Variants in TSHR observed in about 807,000 individuals in gnomAD.
TSHR encodes the protein thyroid stimulating hormone receptor.
TSHR carries 51 observed loss-of-function variants against 64.1 expected under a neutral mutation model. That is an observed-to-expected ratio of 0.80 (90% CI 0.64 to 1.01). The LOEUF (loss-of-function observed/expected upper bound fraction) is 1.01. TSHR is among the 50% of genes least tolerant of loss of function. The probability of loss-of-function intolerance (pLI) is 0.00; values close to 1 mark genes in which losing one functional copy is unlikely to be tolerated. For synonymous variants in TSHR, 361 were observed against 361.9 expected (o/e 1.00, Z 0.03); for missense variants, 877 against 942.8 (o/e 0.93, Z 0.91).
chr14:81,032,006 A>G (rs939878105), intron 1 of TSHR, among the ~76,000 whole-genome samples: 3 of 152,266 alleles, frequency 2.0e-5, no homozygotes, highest in Admixed American at 6.5e-5. Context: ...CCAAATAAGC[A>G]CAGTGATTCC....
In TSHR at chr14:81,072,953, C is replaced by T. The variant is rs1303907437; in HGVS notation, c.317+4625C>T. ...CGGAGCTTGCAGTGAGCCGAGATCC[C>T]GCCACTGCACTCCAGCCTGGGCGAC... On this transcript the variant is annotated intron_variant, in intron 3 of 9. Coordinates refer to ENST00000298171, the MANE Select transcript of TSHR (RefSeq NM_000369.5). Among the ~76,000 whole-genome samples the T allele has an allele frequency of 3.5e-5, 4 of 115,370 alleles. 1 individual carries two copies. The highest frequency in any genetic ancestry group is 2.2e-4 in the East Asian group (1 of 4,582). The allele number at this position is 115,370 out of a possible 152,430, so 75.7% of individuals were successfully genotyped here.
At position 81,010,046 on chromosome 14, in the gene TSHR, A is replaced by T. The variant is rs1387920781; in HGVS notation, c.171-52102A>T. ...TCCTCACCATATCCTCAGACATTTT[A>T]AATATTTACCAATCTGATAAGTATT... is the stretch of plus-strand genomic sequence containing the variant. On this transcript the variant is annotated intron_variant, in intron 1 of 9. Coordinates refer to ENST00000298171, the MANE Select transcript of TSHR (RefSeq NM_000369.5). 2.0e-5 allele frequency among the ~76,000 whole-genome samples: 3 copies of T among 152,294 alleles called. No homozygotes were observed. The East Asian group carries it at 5.8e-4, about 29-fold the overall frequency.
chr14:80,966,326 T>C (rs1445331996), intron 1 of TSHR, among the ~76,000 whole-genome samples: 1 of 152,194 alleles, frequency 6.6e-6, no homozygotes, highest in Admixed American at 6.5e-5. Flanking sequence ...TTAGTGGGCT[T>C]TGAGATGGCA....
chr14:81,010,204 A>G (rs1039428362), intron 1 of TSHR, among the ~76,000 whole-genome samples: 1 of 152,044 alleles, frequency 6.6e-6, no homozygotes, highest in Admixed American at 6.6e-5. Context: ...AGTTCTTTAT[A>G]TATCTTGGGT....
intron 1 of TSHR, among the ~76,000 whole-genome samples, chr14:80,959,208 G>A (rs1011535380): frequency 1.3e-5 from 2 of 152,042 alleles, no homozygotes; most frequent in Admixed American, 1.3e-4. Flanking sequence ...GGAAGGTGAG[G>A]GAGAGCTGGG....
At chr14:81,003,382 C>T (rs1161813751) in intron 1 of TSHR, 1 of 153,882 alleles carries the variant, frequency 6.5e-6, no homozygotes, top group African/African-American at 2.4e-5. Flanking sequence ...CTTCCTTGTG[C>T]TTCAGACTAC....
chr14:81,001,520 CAT>C (rs111544606), intron 1 of TSHR: 64,203 of 523,536 alleles, frequency 0.12, 5,049 homozygotes, highest in East Asian at 0.39. Flanking sequence ...CATTTATAAA[CAT>C]GTGCAGCAAA....
intron 1 of TSHR, among the ~76,000 whole-genome samples, chr14:80,986,033 T>G (rs1209818971): frequency 6.6e-6 from 1 of 152,240 alleles, no homozygotes; most frequent in Non-Finnish European, 1.5e-5. Context: ...CATGATCATC[T>G]TTCTACTTCT....
At chr14:81,102,526 TAAAAGTCTAGATCA>T (rs1459787736) in intron 7 of TSHR, among the ~76,000 whole-genome samples, 2 of 152,254 alleles carry the variant, frequency 1.3e-5, no homozygotes, top group African/African-American at 4.8e-5. Flanking sequence ...TCTTGGTTTC[TAAAAGTCTAGATCA>T]GGGGTCAGCA....
At chr14:81,127,415 T>G (rs147499152) in intron 8 of TSHR, among the ~76,000 whole-genome samples, 311 of 152,336 alleles carry the variant, frequency 2.0e-3, no homozygotes, top group African/African-American at 7.0e-3. Flanking sequence ...TTTGCCAGTA[T>G]GATGATGATC....
chr14:81,141,051 G>A (rs991092342), intron 9 of TSHR, among the ~76,000 whole-genome samples: 7 of 152,206 alleles, frequency 4.6e-5, no homozygotes, highest in African/African-American at 1.2e-4. Context: ...GCTTGAACCC[G>A]GTAGGCGGAG....
chr14:81,035,419 G>T (rs904715191), intron 1 of TSHR, among the ~76,000 whole-genome samples: 1 of 152,146 alleles, frequency 6.6e-6, no homozygotes, highest in Non-Finnish European at 1.5e-5. Flanking sequence ...ATGGTGAAAT[G>T]ATTCTATTGT....
chr14:81,023,417 T>C (rs1289860009), intron 1 of TSHR, among the ~76,000 whole-genome samples: 2 of 152,158 alleles, frequency 1.3e-5, no homozygotes, highest in Non-Finnish European at 2.9e-5. Context: ...ATCAGGGTTT[T>C]CTTACATAGT....
chr14:80,965,750 A>G (rs944471307), intron 1 of TSHR, among the ~76,000 whole-genome samples: 2 of 152,236 alleles, frequency 1.3e-5, no homozygotes, highest in Non-Finnish European at 2.9e-5. Context: ...TCATTTCTGT[A>G]TGAACCTTTA....
intron 8 of TSHR, among the ~76,000 whole-genome samples, chr14:81,131,946 G>C (rs1485059154): frequency 1.4e-5 from 2 of 144,676 alleles, no homozygotes; most frequent in African/African-American, 2.9e-5. Context: ...CTAGCTTCTA[G>C]AACTATACTT....
At chr14:80,995,500 A>C (rs1566754083) in intron 1 of TSHR, 1 of 152,314 alleles carries the variant, frequency 6.6e-6, no homozygotes, top group East Asian at 1.9e-4. Context: ...TGCAGCCATA[A>C]AAAAGAATGA....
chr14:81,035,233 T>C (rs1260431744), intron 1 of TSHR, among the ~76,000 whole-genome samples: 1 of 152,188 alleles, frequency 6.6e-6, no homozygotes, highest in Non-Finnish European at 1.5e-5. Context: ...TGGGAAATAA[T>C]ACACAGTTTA....
intron 1 of TSHR, among the ~76,000 whole-genome samples, chr14:80,962,151 A>G (rs929988477): frequency 1.7e-4 from 26 of 152,184 alleles, no homozygotes; most frequent in Admixed American, 3.9e-4. Flanking sequence ...GACTCACCAG[A>G]TTCCTGGGTG....
chr14:81,073,093 T>C (rs1029799743), intron 3 of TSHR, among the ~76,000 whole-genome samples: 2 of 142,578 alleles, frequency 1.4e-5, no homozygotes, highest in South Asian at 2.3e-4. Flanking sequence ...TAAATATGCA[T>C]ACATATAAAG....
Sources: allele counts gnomAD v4.1 joint callset (sites outside exome capture counted in the v4.1 genomes callset), GRCh38; gene constraint gnomAD v4.1.1; transcripts MANE v1.5; gene names NCBI Gene and HGNC (gene_info 2026-07-23, HGNC 2026-07-21).